Variants in PHACTR1 observed in about 807,000 individuals in gnomAD.
The protein encoded by PHACTR1 is RPEL repeat containing 1.
PHACTR1 carries 16 observed loss-of-function variants against 69.2 expected under a neutral mutation model. That is an observed-to-expected ratio of 0.23 (90% confidence interval 0.16 to 0.35). The LOEUF (loss-of-function observed/expected upper bound fraction) is 0.35. Among genes scored for constraint, PHACTR1 ranks in the 10% least tolerant of loss-of-function variants. The pLI is 1.00. For synonymous variants in PHACTR1, 312 were observed against 284.5 expected, an observed-to-expected ratio of 1.10 and a Z score of -0.97; for missense variants, 510 against 734.7, an observed-to-expected ratio of 0.69 and a Z score of 3.54.
chr6:13,080,317 T>C (rs540343636), intron 5 of PHACTR1, among the ~76,000 whole-genome samples: 50 of 152,308 alleles, frequency 3.3e-4, no homozygotes, highest in African/African-American at 1.1e-3. Context: ...CAGAGAGCTC[T>C]GTAATAAGCC....
intron 4 of PHACTR1, among the ~76,000 whole-genome samples, chr6:12,930,018 C>G (rs528897776): frequency 6.6e-6 from 1 of 152,120 alleles, no homozygotes; most frequent in Non-Finnish European, 1.5e-5. Flanking sequence ...TAGTTAATCT[C>G]CCAACACTGC....
At chr6:13,132,523 G>A (rs1820626819) in intron 5 of PHACTR1, among the ~76,000 whole-genome samples, 1 of 152,110 alleles carries the variant, frequency 6.6e-6, no homozygotes, top group Non-Finnish European at 1.5e-5. Flanking sequence ...CATAGTGATG[G>A]TGATTCCTAT....
At chr6:13,003,980 C>CTATATATATATATATAT (rs1798467340) in intron 4 of PHACTR1, among the ~76,000 whole-genome samples, 4 of 105,914 alleles carry the variant, frequency 3.8e-5, no homozygotes, top group South Asian at 2.8e-4. Context: ...TATATATATA[C>CTATATATATATATATAT]ACATATATAT....
At chr6:13,076,950 G>T (rs548427232) in intron 5 of PHACTR1, among the ~76,000 whole-genome samples, 3 of 121,310 alleles carry the variant, frequency 2.5e-5, no homozygotes, top group Admixed American at 9.1e-5. Context: ...GCGGTGGGGT[G>T]GGGGGAGGGG....
At chr6:13,210,276 A>C (rs1766614276) in intron 8 of PHACTR1, among the ~76,000 whole-genome samples, 1 of 151,986 alleles carries the variant, frequency 6.6e-6, no homozygotes, top group Non-Finnish European at 1.5e-5. Flanking sequence ...CAGCCTCCCA[A>C]ATTTCTGGCA....
intron 6 of PHACTR1, among the ~76,000 whole-genome samples, chr6:13,161,255 G>A (rs1424886581): frequency 6.6e-6 from 1 of 152,174 alleles, no homozygotes; most frequent in Non-Finnish European, 1.5e-5. Context: ...TGGGATTACA[G>A]GCGTGAGCCA....
intron 5 of PHACTR1, among the ~76,000 whole-genome samples, chr6:13,132,092 A>C (rs944602337): frequency 6.6e-6 from 1 of 152,200 alleles, no homozygotes. Context: ...TCAGGCATCA[A>C]ATTCATCTAT....
intron 4 of PHACTR1, among the ~76,000 whole-genome samples, chr6:12,943,763 G>A (rs902403168): frequency 1.3e-5 from 2 of 152,188 alleles, no homozygotes; most frequent in Non-Finnish European, 2.9e-5. Flanking sequence ...TGGTTGAATT[G>A]ACACCTGTCA....
intron 13 of PHACTR1, among the ~76,000 whole-genome samples, chr6:13,285,696 C>T (rs1352703358): frequency 6.6e-6 from 1 of 152,218 alleles, no homozygotes; most frequent in Non-Finnish European, 1.5e-5. Flanking sequence ...TGGTAGGGAG[C>T]TGGCCATCAC....
At chr6:12,829,333 G>C (rs1009833680) in intron 4 of PHACTR1, among the ~76,000 whole-genome samples, 4 of 152,288 alleles carry the variant, frequency 2.6e-5, no homozygotes, top group Non-Finnish European at 5.9e-5. Context: ...ACATGAAGTT[G>C]TATCTCAGCC....
intron 7 of PHACTR1, among the ~76,000 whole-genome samples, chr6:13,196,218 T>A (rs1764390465): frequency 6.7e-6 from 1 of 150,182 alleles, no homozygotes; most frequent in Non-Finnish European, 1.5e-5. Context: ...ATCAGATAGA[T>A]GCAAAACCAT....
intron 12 of PHACTR1, chr6:13,279,888 CTG>C (rs1039068306): frequency 2.0e-5 from 3 of 151,986 alleles, no homozygotes; most frequent in African/African-American, 7.3e-5. Flanking sequence ...GAAAAAGACA[CTG>C]TGATAAACTT....
At chr6:13,264,899 A>C (rs977629922) in intron 10 of PHACTR1, 6 of 150,976 alleles carry the variant, frequency 4.0e-5, no homozygotes, top group African/African-American at 1.5e-4. Flanking sequence ...GTGCATGCCT[A>C]TAGTCCCAGC....
intron 4 of PHACTR1, among the ~76,000 whole-genome samples, chr6:12,929,346 C>G (rs926235941): frequency 6.6e-6 from 1 of 152,128 alleles, no homozygotes; most frequent in Non-Finnish European, 1.5e-5. Flanking sequence ...TAGTAAGTCA[C>G]GTTCACCCGA....
At chr6:13,041,456 C>G (rs1233663442) in intron 4 of PHACTR1, among the ~76,000 whole-genome samples, 2 of 151,618 alleles carry the variant, frequency 1.3e-5, no homozygotes, top group Non-Finnish European at 2.9e-5. Flanking sequence ...TGGATTTCAC[C>G]TCGTCACTAA....
At chr6:13,063,917 C>A (rs1808092328) in intron 5 of PHACTR1, among the ~76,000 whole-genome samples, 1 of 152,098 alleles carries the variant, frequency 6.6e-6, no homozygotes, top group South Asian at 2.1e-4. Flanking sequence ...TGGGTGTTAT[C>A]CTAATGCAAT....
At chr6:12,833,691 C>T (rs1561927743) in intron 4 of PHACTR1, among the ~76,000 whole-genome samples, 2 of 152,324 alleles carry the variant, frequency 1.3e-5, no homozygotes, top group East Asian at 3.9e-4. Flanking sequence ...CTTACATATA[C>T]ACACATGGAC....
intron 4 of PHACTR1, among the ~76,000 whole-genome samples, chr6:12,809,921 T>A (rs779517172): frequency 1.3e-5 from 2 of 152,234 alleles, no homozygotes; most frequent in Non-Finnish European, 2.9e-5. Flanking sequence ...ATTCTTATCA[T>A]CTTGATATTA....
chr6:13,030,440 A>G (rs1802296767), intron 4 of PHACTR1, among the ~76,000 whole-genome samples: 2 of 152,238 alleles, frequency 1.3e-5, no homozygotes, highest in Admixed American at 6.5e-5. Flanking sequence ...TAAAAAAATT[A>G]CTTAGAAGTC....
Sources: gnomAD v4.1 joint callset for allele counts (sites outside exome capture counted in the v4.1 genomes callset) on GRCh38, gnomAD v4.1.1 for gene constraint, MANE v1.5 for transcripts, NCBI Gene and HGNC (gene_info 2026-07-23, HGNC 2026-07-21) for gene names.